The following PNKD variants were observed in gnomAD, a reference collection of about 807,000 sequenced individuals.
The protein encoded by PNKD is PNKD metallo-beta-lactamase domain containing.
In PNKD, 36 loss-of-function variants were observed where a neutral mutation model predicts 45.3. The observed-to-expected ratio is 0.80, with a 90% CI of 0.61 to 1.05. PNKD has a LOEUF of 1.05. PNKD is among the 50% of genes least tolerant of loss of function. The pLI is 0.00. For missense variants in PNKD, 511 were observed against 506.6 expected (o/e 1.01, Z -0.08); for synonymous variants, 197 against 210.1 (o/e 0.94, Z 0.54).
At position 218,324,997 on chromosome 2, in the gene PNKD, CTTTTTTTTTTT is replaced by C. The variant is rs1167758595; in HGVS notation, c.237-14768_237-14758del. On this transcript the variant is annotated intron_variant, in intron 2 of 9. Coordinates refer to ENST00000273077, the MANE Select transcript of PNKD (RefSeq NM_015488.5). Reference sequence around the variant, plus strand: ...AACATGAAGGTATCTAAATAATTTTCTTTTTTTTTTTTTTTTTTTTTTTTTTTTGAGACGGA... The same window carrying C: ...AACATGAAGGTATCTAAATAATTTTCTTTTTTTTTTTTTTTTTGAGACGGA... Among the ~76,000 whole-genome samples, 27 of 62,680 alleles carry C rather than the reference CTTTTTTTTTTT, an allele frequency of 4.3e-4. No individual in the cohort carries two copies. The South Asian group carries it at 8.9e-3, about 21-fold the overall frequency. The allele number at this position is 62,680 out of a possible 152,430, so 41.1% of individuals were successfully genotyped here.
chr2:218,287,814 C>A (rs1411550341), intron 2 of PNKD, among the ~76,000 whole-genome samples: 2 of 152,096 alleles, frequency 1.3e-5, no homozygotes, highest in African/African-American at 2.4e-5. Context: ...CCATGGAGAC[C>A]GAGGGGTGGC....
At chr2:218,325,926 T>C (rs551161954) in intron 2 of PNKD, among the ~76,000 whole-genome samples, 3 of 152,210 alleles carry the variant, frequency 2.0e-5, no homozygotes, top group East Asian at 3.9e-4. Context: ...CTGCTCCTCA[T>C]AGTCTGGGAA....
At position 218,326,082 on chromosome 2, in the gene PNKD, G is replaced by A. The variant is rs574197572; in HGVS notation, c.237-13701G>A. On this transcript the variant is annotated intron_variant, in intron 2 of 9. Coordinates refer to ENST00000273077, the MANE Select transcript of PNKD (RefSeq NM_015488.5). The surrounding 1 kb of genome is among the most constrained non-coding windows in gnomAD (Gnocchi z 4.1). ...ATGGGGAGGGAGGGGGAACGGAATG[G>A]GACAGGACATGATGGGGAGGGGGAG... Among the ~76,000 whole-genome samples, 1 of 151,600 alleles carries A rather than the reference G, an allele frequency of 6.6e-6. No individual in the cohort carries two copies. Among genetic ancestry groups the A allele is most frequent in the Non-Finnish European group, 1.5e-5 (1 of 67,906 alleles).
intron 2 of PNKD, chr2:218,323,386 G>T: frequency 6.3e-7 from 1 of 1,577,600 alleles, no homozygotes; most frequent in Non-Finnish European, 8.6e-7. Flanking sequence ...CGGGGCCTCC[G>T]CGGTCTGCTC....
In PNKD at chr2:218,302,254, A is replaced by G. The variant is rs189110928; in HGVS notation, c.236+30705A>G. ...TCCCAGCTACTCGGGAGGCTGAGGC[A>G]GGAGAATCACTTGAACCCAGGAGGC... On this transcript the variant is annotated intron_variant, in intron 2 of 9. Transcript: ENST00000273077. Among the ~76,000 whole-genome samples the G allele has an allele frequency of 3.4e-3, 524 of 152,326 alleles. 5 individuals are homozygous for G. The highest frequency in any genetic ancestry group is 9.7e-3 in the African/African-American group (405 of 41,576).
intron 2 of PNKD, among the ~76,000 whole-genome samples, chr2:218,273,364 T>C (rs1399644558): frequency 6.6e-6 from 1 of 151,898 alleles, no homozygotes; most frequent in African/African-American, 2.4e-5. Flanking sequence ...CTCCACCTCC[T>C]GGGCTCAAGT....
At chr2:218,293,569 C>T (rs903742350) in intron 2 of PNKD, among the ~76,000 whole-genome samples, 17 of 148,452 alleles carry the variant, frequency 1.1e-4, no homozygotes, top group African/African-American at 3.9e-4. Context: ...ACCACACCAC[C>T]ACTGAATGTC....
chr2:218,295,478 G>T (rs1294493693), intron 2 of PNKD, among the ~76,000 whole-genome samples: 1 of 152,220 alleles, frequency 6.6e-6, no homozygotes, highest in African/African-American at 2.4e-5. Context: ...GGGGGTTCGG[G>T]AAAGGAGTTC....
At chr2:218,303,154 A>G (rs918228175) in intron 2 of PNKD, among the ~76,000 whole-genome samples, 1 of 151,836 alleles carries the variant, frequency 6.6e-6, no homozygotes, top group Non-Finnish European at 1.5e-5. Context: ...GTTGGCCAGG[A>G]TGGTCTTGAA....
At position 218,342,410 on chromosome 2, in the gene PNKD, T is replaced by C. The variant is rs895061845; in HGVS notation, c.781+266T>C. ...GCAAGACTGTCTCTACAAAAAAATT[T>C]TAAAATAGGCCAGGCGTGGTGGCTC... On this transcript the variant is annotated intron_variant, in intron 7 of 9. Coordinates refer to ENST00000273077, the MANE Select transcript of PNKD (RefSeq NM_015488.5). Among the ~76,000 whole-genome samples the C allele has an allele frequency of 7.2e-5, 11 of 151,960 alleles. No individual in the cohort carries two copies. The East Asian group carries it at 1.7e-3, about 24-fold the overall frequency.
intron 2 of PNKD, among the ~76,000 whole-genome samples, chr2:218,288,124 C>T (rs1250065803): frequency 6.6e-6 from 1 of 152,146 alleles, no homozygotes; most frequent in Non-Finnish European, 1.5e-5. Context: ...TGATAACTAA[C>T]CCCAAAAAAG....
intron 2 of PNKD, among the ~76,000 whole-genome samples, chr2:218,338,065 T>A (rs1694552325): frequency 6.6e-6 from 1 of 152,038 alleles, no homozygotes; most frequent in Non-Finnish European, 1.5e-5. Context: ...GAGAATCGCC[T>A]GAACCTGGGA....
At chr2:218,309,806 A>C (rs1693547373) in intron 2 of PNKD, among the ~76,000 whole-genome samples, 1 of 151,918 alleles carries the variant, frequency 6.6e-6, no homozygotes, top group African/African-American at 2.4e-5. Context: ...GTGGTGGTGC[A>C]CACCTGTAAT....
chr2:218,303,709 G>A (rs1877712), intron 2 of PNKD, among the ~76,000 whole-genome samples: 66,886 of 150,988 alleles, frequency 0.44, 17,640 homozygotes, highest in South Asian at 0.63. Flanking sequence ...CTGAGTAGCT[G>A]GGATTACAGG....
At chr2:218,309,450 G>A (rs1373428546) in intron 2 of PNKD, among the ~76,000 whole-genome samples, 3 of 150,420 alleles carry the variant, frequency 2.0e-5, no homozygotes, top group African/African-American at 7.3e-5. Context: ...GAAAGAAAAG[G>A]AGAAAGAAAA....
At position 218,275,632 on chromosome 2, in the gene PNKD, A is replaced by G. The variant is rs371106981; in HGVS notation, c.236+4083A>G. ...GTCGTAAGCCAGGAACTGCAAGGAT[A>G]GGGAAGCCAGAAGTGAGAACTCAGG... On this transcript the variant is annotated intron_variant, in intron 2 of 9. Coordinates refer to ENST00000273077, the MANE Select transcript of PNKD (RefSeq NM_015488.5). 8.1e-6 allele frequency: 13 copies of G among 1,605,526 alleles called. No homozygotes were observed. The African/African-American group carries it at 1.7e-4, about 22-fold the overall frequency.
At chr2:218,278,561 C>T (rs183015933) in intron 2 of PNKD, 1 of 1,614,156 alleles carries the variant, frequency 6.2e-7, no homozygotes, top group Non-Finnish European at 8.5e-7. Context: ...ACAACGAAGA[C>T]AGCACTAGGG....
intron 2 of PNKD, chr2:218,277,823 T>C (rs185887706): frequency 6.4e-7 from 1 of 1,554,854 alleles, no homozygotes; most frequent in East Asian, 2.3e-5. Context: ...GCGGCCCAGA[T>C]AAGGTGGAGG....
At chr2:218,294,090 C>T (rs1365583698) in intron 2 of PNKD, among the ~76,000 whole-genome samples, 1 of 152,130 alleles carries the variant, frequency 6.6e-6, no homozygotes, top group Non-Finnish European at 1.5e-5. Flanking sequence ...CTTCAGTGTA[C>T]TTCCAGTTCC....
Sources: allele counts gnomAD v4.1 joint callset (sites outside exome capture counted in the v4.1 genomes callset), GRCh38; gene constraint gnomAD v4.1.1; non-coding constraint Gnocchi (gnomAD v3.1); transcripts MANE v1.5; gene names NCBI Gene and HGNC (gene_info 2026-07-23, HGNC 2026-07-21).